ELMO1: variants seen among roughly 807,000 people sequenced by gnomAD.
ELMO1 encodes the protein engulfment and cell motility protein 1.
A neutral mutation model predicts 98.9 loss-of-function variants in ELMO1; 26 were observed. The observed-to-expected ratio is 0.26, with a 90% CI of 0.19 to 0.36. The LOEUF (loss-of-function observed/expected upper bound fraction) is 0.36. ELMO1 is among the 10% of genes least tolerant of loss of function. The probability of loss-of-function intolerance (pLI) is 1.00; values close to 1 mark genes in which losing one functional copy is unlikely to be tolerated. For missense variants in ELMO1, 627 were observed against 935.2 expected, an observed-to-expected ratio of 0.67 and a Z score of 4.30; for synonymous variants, 346 against 346.0, an observed-to-expected ratio of 1.00 and a Z score of 0.00.
At chr7:37,157,924 C>A (rs963692569) in intron 13 of ELMO1, among the ~76,000 whole-genome samples, 1 of 152,100 alleles carries the variant, frequency 6.6e-6, no homozygotes, top group African/African-American at 2.4e-5. Context: ...GCTACAGTAA[C>A]CAAAACAGCA....
chr7:36,911,700 C>A (rs79099005), intron 16 of ELMO1, among the ~76,000 whole-genome samples: 3,576 of 152,254 alleles, frequency 0.023, 138 homozygotes, highest in African/African-American at 0.081. Flanking sequence ...TTGTCTACTG[C>A]AGAATCTGTC....
At chr7:37,178,979 C>T (rs1790671149) in intron 13 of ELMO1, among the ~76,000 whole-genome samples, 2 of 152,172 alleles carry the variant, frequency 1.3e-5, no homozygotes, top group African/African-American at 2.4e-5. Flanking sequence ...AATCCTAAAA[C>T]ACTCTGCTGT....
Position 36,878,044 on chromosome 7 carries a change from C to T in ELMO1, c.1788G>A (p.Gln596=). Residue 596 remains glutamine, a synonymous_variant, in exon 19 of 22, where the codon CAG becomes CAA. Coordinates refer to ENST00000310758, the MANE Select transcript of ELMO1 (RefSeq NM_014800.11). ...LHYGDLEESP[Q]GEVPHDSLQD... ...GCAAGGAATCGTGGGGCACTTCTCC[C>T]TGAGGACTCTCTTCTAAGTCTCCGT... is the stretch of plus-strand genomic sequence containing the variant. 1.9e-6 allele frequency: 3 copies of T among 1,614,060 alleles called. No homozygotes were observed. Among genetic ancestry groups the T allele is most frequent in the Non-Finnish European group, 2.5e-6 (3 of 1,179,940 alleles).
intron 4 of ELMO1, among the ~76,000 whole-genome samples, chr7:37,306,121 T>C (rs192840167): frequency 5.9e-5 from 9 of 152,342 alleles, no homozygotes; most frequent in Admixed American, 3.9e-4. Flanking sequence ...ATTTAAATGA[T>C]ATTGCTCCTA....
At chr7:37,131,165 G>A (rs1333197738) in intron 14 of ELMO1, among the ~76,000 whole-genome samples, 1 of 151,894 alleles carries the variant, frequency 6.6e-6, no homozygotes, top group Non-Finnish European at 1.5e-5. Context: ...CACATAAATA[G>A]CCTTAGCTTT....
intron 16 of ELMO1, among the ~76,000 whole-genome samples, chr7:36,898,472 C>G (rs1362568980): frequency 6.6e-6 from 1 of 152,116 alleles, no homozygotes; most frequent in Non-Finnish European, 1.5e-5. Flanking sequence ...TAATGTTACA[C>G]ATTACAAAAA....
rs1391834365 is a variant in ELMO1 at position 36,853,260 on chromosome 7, G to A, written c.*2291C>T. Among the ~76,000 whole-genome samples the A allele has an allele frequency of 1.3e-5, 2 of 152,162 alleles. No homozygotes were observed. The highest frequency in any genetic ancestry group is 2.9e-5 in the Non-Finnish European group (2 of 68,028). ...TGCTGCCTTTCATAGTCCTGAAAAGGTTTCTTTCTATTAAATGCACCAAAG... is the reference window on the plus strand; with the variant it reads ...TGCTGCCTTTCATAGTCCTGAAAAGATTTCTTTCTATTAAATGCACCAAAG... On this transcript the variant is annotated 3_prime_UTR_variant, in exon 22 of 22. Transcript: ENST00000310758.
intron 16 of ELMO1, among the ~76,000 whole-genome samples, chr7:36,915,395 T>C (rs897010213): frequency 6.6e-6 from 1 of 152,172 alleles, no homozygotes. Flanking sequence ...TATTCTTTTA[T>C]CTAAGATAGG....
At chr7:37,165,598 G>A (rs1296038191) in intron 13 of ELMO1, among the ~76,000 whole-genome samples, 3 of 152,062 alleles carry the variant, frequency 2.0e-5, no homozygotes, top group Non-Finnish European at 4.4e-5. Context: ...AGATAATCAT[G>A]TGGTTTTTGT....
At chr7:36,877,406 A>G (rs1408046648) in intron 19 of ELMO1, among the ~76,000 whole-genome samples, 1 of 152,204 alleles carries the variant, frequency 6.6e-6, no homozygotes, top group Admixed American at 6.5e-5. Context: ...TGTGGGGCTA[A>G]AAGAATCCTG....
At chr7:37,303,401 T>G (rs1028402225) in intron 4 of ELMO1, among the ~76,000 whole-genome samples, 2 of 152,182 alleles carry the variant, frequency 1.3e-5, no homozygotes, top group Non-Finnish European at 2.9e-5. Flanking sequence ...CACAAAAATA[T>G]ACACAGTGTA....
intron 13 of ELMO1, among the ~76,000 whole-genome samples, chr7:37,144,465 T>A (rs1005057911): frequency 6.6e-6 from 1 of 152,234 alleles, no homozygotes; most frequent in Non-Finnish European, 1.5e-5. Context: ...ATTTATGAGA[T>A]GCTTTGGATA....
intron 15 of ELMO1, among the ~76,000 whole-genome samples, chr7:37,051,536 A>G (rs1796109457): frequency 6.6e-6 from 1 of 151,424 alleles, no homozygotes; most frequent in South Asian, 2.1e-4. Flanking sequence ...TTCACTTGCT[A>G]TGTTTCCTGA....
At chr7:37,237,673 A>T (rs1794552206) in intron 7 of ELMO1, among the ~76,000 whole-genome samples, 1 of 152,222 alleles carries the variant, frequency 6.6e-6, no homozygotes, top group South Asian at 2.1e-4. Flanking sequence ...CTTAATTGTC[A>T]AGGTTAATGG....
At chr7:37,423,823 T>C (rs1226329749) in intron 1 of ELMO1, among the ~76,000 whole-genome samples, 1 of 152,216 alleles carries the variant, frequency 6.6e-6, no homozygotes, top group Non-Finnish European at 1.5e-5. Flanking sequence ...GTCCGATTCA[T>C]TACCCTTTCT....
chr7:37,081,245 A>G (rs1199923905), intron 15 of ELMO1, among the ~76,000 whole-genome samples: 2 of 152,250 alleles, frequency 1.3e-5, no homozygotes, highest in African/African-American at 4.8e-5. Flanking sequence ...TACTATTTAT[A>G]TCCATATCCA....
intron 16 of ELMO1, among the ~76,000 whole-genome samples, chr7:36,931,906 G>C (rs1786079320): frequency 6.6e-6 from 1 of 152,186 alleles, no homozygotes; most frequent in Admixed American, 6.5e-5. Context: ...TTATGTTCTA[G>C]GAACTTTTGT....
Position 36,895,036 on chromosome 7 carries a change from C to G in ELMO1, c.1438-19G>C. The G allele has an allele frequency of 6.2e-7, 1 of 1,611,206 alleles. No homozygotes were observed. The highest frequency in any genetic ancestry group is 8.5e-7 in the Non-Finnish European group (1 of 1,178,916). On this transcript the variant is annotated intron_variant, in intron 16 of 21. Transcript: ENST00000310758. The stretch of plus-strand genomic sequence containing the variant: ...GCATTACCTGAAGATGAAAGGAAGA[C>G]CATCATTTTCCTGGGGGCTGACCTT...
At chr7:37,170,596 CT>C (rs1281599431) in intron 13 of ELMO1, among the ~76,000 whole-genome samples, 1 of 150,100 alleles carries the variant, frequency 6.7e-6, no homozygotes, top group Non-Finnish European at 1.5e-5. Flanking sequence ...TTCTCTCTCT[CT>C]TTCTCCTTCC....
Sources: allele counts gnomAD v4.1 joint callset (sites outside exome capture counted in the v4.1 genomes callset), GRCh38; gene constraint gnomAD v4.1.1; transcripts MANE v1.5; gene names NCBI Gene and HGNC (gene_info 2026-07-23, HGNC 2026-07-21).